The following IGF1R variants were observed in gnomAD, a reference collection of about 807,000 sequenced individuals.
IGF1R encodes the protein insulin-like growth factor 1 receptor.
Under a neutral mutation model 144.6 loss-of-function variants are expected in IGF1R, and 44 were observed. The ratio of observed to expected loss-of-function variants is 0.30; its 90% CI spans 0.24 to 0.39. IGF1R has a LOEUF of 0.39. IGF1R is among the 10% of genes least tolerant of loss of function. The probability of loss-of-function intolerance (pLI) is 1.00; values close to 1 mark genes in which losing one functional copy is unlikely to be tolerated. For synonymous variants in IGF1R, 795 were observed against 722.8 expected, an observed-to-expected ratio of 1.10 and a Z score of -1.60; for missense variants, 1,355 against 1,833.7, an observed-to-expected ratio of 0.74 and a Z score of 4.77.
chr15:98,873,943 C>T (rs1247890674), intron 2 of IGF1R: 1 of 152,194 alleles, frequency 6.6e-6, no homozygotes, highest in African/African-American at 2.4e-5. Flanking sequence ...TAAATGTATG[C>T]TCCGGTCAGA....
intron 8 of IGF1R, 51 bp from the exon 9 acceptor site, chr15:98,915,912 TG>T (rs1229174885): frequency 1.3e-6 from 2 of 1,568,614 alleles, no homozygotes; most frequent in African/African-American, 2.7e-5. Context: ...TCTGATAGCC[TG>T]ACTCTTAAGT....
At chr15:98,871,034 C>T (rs1403302382) in intron 2 of IGF1R, among the ~76,000 whole-genome samples, 1 of 152,230 alleles carries the variant, frequency 6.6e-6, no homozygotes, top group Non-Finnish European at 1.5e-5. Context: ...GGAGCTGGCC[C>T]AGGGCGCGCA....
At position 98,891,746 on chromosome 15, in the gene IGF1R, G is replaced by T; in HGVS notation, c.953+109G>T. On this transcript the variant is annotated intron_variant, in intron 3 of 20. Coordinates refer to ENST00000650285, the MANE Select transcript of IGF1R (RefSeq NM_000875.5). This position sits in a 1 kb window ranked among gnomAD's most constrained non-coding sequence, Gnocchi z 4.7. ...TTCATCCGGGTGCAGCCCTCAGGAA[G>T]TTCACTGAGGTGGGTCATTTTGAGA... is the stretch of plus-strand genomic sequence containing the variant. 2 of 1,050,486 alleles carry T rather than the reference G, an allele frequency of 1.9e-6. No homozygotes were observed. The highest frequency in any genetic ancestry group is 2.8e-6 in the Non-Finnish European group (2 of 708,574). The allele number at this position is 1,050,486 out of a possible 1,614,324, so 65.1% of individuals were successfully genotyped here.
intron 2 of IGF1R, among the ~76,000 whole-genome samples, chr15:98,850,965 G>A (rs751449794): frequency 2.6e-5 from 4 of 152,148 alleles, no homozygotes; most frequent in African/African-American, 9.7e-5. Context: ...TACTGAGGTG[G>A]AGAAACCTGC....
chr15:98,927,232 A>T (rs1258218037), intron 13 of IGF1R, among the ~76,000 whole-genome samples: 1 of 152,058 alleles, frequency 6.6e-6, no homozygotes, highest in Non-Finnish European at 1.5e-5. Context: ...CTGTTGAGAA[A>T]TTTTTCCTTA....
At chr15:98,823,879 A>G (rs1209782622) in intron 2 of IGF1R, among the ~76,000 whole-genome samples, 2 of 152,194 alleles carry the variant, frequency 1.3e-5, no homozygotes, top group Non-Finnish European at 2.9e-5. Context: ...AACTTGGCTA[A>G]CCACTATTTT....
chr15:98,779,587 A>G (rs1198158534), intron 2 of IGF1R, among the ~76,000 whole-genome samples: 1 of 152,194 alleles, frequency 6.6e-6, no homozygotes, highest in African/African-American at 2.4e-5. Flanking sequence ...TCACTGTGAA[A>G]TTTTACTGTT....
At chr15:98,736,526 A>G (rs2054612262) in intron 2 of IGF1R, among the ~76,000 whole-genome samples, 1 of 151,968 alleles carries the variant, frequency 6.6e-6, no homozygotes. Context: ...TGGAGGCCAC[A>G]TTTAAAAAGG....
intron 1 of IGF1R, among the ~76,000 whole-genome samples, chr15:98,691,099 C>T (rs749047821): frequency 6.6e-6 from 1 of 152,170 alleles, no homozygotes; most frequent in Non-Finnish European, 1.5e-5. Flanking sequence ...AGCTAAGGAA[C>T]CAGCATTAGT....
chr15:98,742,725 C>A (rs1235416998), intron 2 of IGF1R, among the ~76,000 whole-genome samples: 1 of 152,198 alleles, frequency 6.6e-6, no homozygotes, highest in Non-Finnish European at 1.5e-5. Flanking sequence ...TTACTTGTTA[C>A]AAACATTGGC....
At position 98,707,420 on chromosome 15, in the gene IGF1R, C is replaced by A; in HGVS notation, c.95-142C>A. On this transcript the variant is annotated intron_variant, in intron 1 of 20. Coordinates refer to ENST00000650285, the MANE Select transcript of IGF1R (RefSeq NM_000875.5). The surrounding 1 kb of genome is among the most constrained non-coding windows in gnomAD (Gnocchi z 6.7). ...CCACCTAAACTGTCAGTCTGCAACC[C>A]ACAGCTCTGCAGTGAACAATTGAAC... 1 of 885,620 alleles carries A rather than the reference C, an allele frequency of 1.1e-6. No homozygotes were observed. The highest frequency in any genetic ancestry group is 1.8e-6 in the Non-Finnish European group (1 of 556,240). 54.9% of individuals were successfully genotyped at this position (885,620 alleles called of 1,614,324 possible).
rs1295205109 is a variant in IGF1R, at chr15:98,964,243, A to T, written c.*6801A>T. 2 of 232,670 alleles carry T rather than the reference A, an allele frequency of 8.6e-6. No homozygotes were observed. The highest frequency in any genetic ancestry group is 1.7e-5 in the Non-Finnish European group (2 of 117,590). The allele number at this position is 232,670 out of a possible 1,614,324, so 14.4% of individuals were successfully genotyped here. A position where few individuals can be genotyped will look rare whatever the true frequency, so the allele number is the denominator to read the frequency against. ...TTAAGTAAGAAAAAAAAAGGTAATA[A>T]CATGGCCAATTTGTTACATAAAATG... On this transcript the variant is annotated 3_prime_UTR_variant, in exon 21 of 21. Coordinates refer to ENST00000650285, the MANE Select transcript of IGF1R (RefSeq NM_000875.5).
chr15:98,659,720 GA>G (rs1453310011), intron 1 of IGF1R, among the ~76,000 whole-genome samples: 2 of 151,986 alleles, frequency 1.3e-5, no homozygotes, highest in African/African-American at 2.4e-5. Flanking sequence ...AATTTTACAG[GA>G]CTTTAATAAA....
chr15:98,896,736 T>G (rs755125971), intron 3 of IGF1R, 21 bp from the exon 4 acceptor site: 7 of 1,611,982 alleles, frequency 4.3e-6, no homozygotes, highest in Non-Finnish European at 5.9e-6. Flanking sequence ...TGTTTTTGAT[T>G]TTTTTTTTCT....
chr15:98,768,345 G>A (rs571019466), intron 2 of IGF1R, among the ~76,000 whole-genome samples: 1 of 152,156 alleles, frequency 6.6e-6, no homozygotes, highest in African/African-American at 2.4e-5. Context: ...GGCCAGGCGC[G>A]GTGGCTTACG....
chr15:98,899,355 G>C lies in IGF1R; in HGVS notation c.1103-122G>C, dbSNP rs892248467. On this transcript the variant is annotated intron_variant, in intron 4 of 20. Coordinates refer to ENST00000650285, the MANE Select transcript of IGF1R (RefSeq NM_000875.5). Reference sequence around the variant, plus strand: ...TTTTTGTCAGGGAGCAGCCAGTCCTGTGCTGGGAGCATCTCAGGGGGCACC... The same window carrying C: ...TTTTTGTCAGGGAGCAGCCAGTCCTCTGCTGGGAGCATCTCAGGGGGCACC... 4 of 955,564 alleles carry C rather than the reference G, an allele frequency of 4.2e-6. No homozygotes were observed. The East Asian group carries it at 9.8e-5, about 23-fold the overall frequency. The allele number at this position is 955,564 out of a possible 1,614,324, so 59.2% of individuals were successfully genotyped here.
At chr15:98,700,725 C>T (rs1211937713) in intron 1 of IGF1R, among the ~76,000 whole-genome samples, 1 of 152,074 alleles carries the variant, frequency 6.6e-6, no homozygotes, top group African/African-American at 2.4e-5. Flanking sequence ...TGCCACCAGG[C>T]ATCAGCTCCA....
chr15:98,668,485 G>A (rs1201768867), intron 1 of IGF1R, among the ~76,000 whole-genome samples: 1 of 152,148 alleles, frequency 6.6e-6, no homozygotes, highest in African/African-American at 2.4e-5. Context: ...GAGCACATTC[G>A]CCTCTGTAAC....
intron 20 of IGF1R, among the ~76,000 whole-genome samples, chr15:98,951,129 A>AGGTGGCGCAGGAG (rs1255817605): frequency 6.6e-6 from 1 of 152,258 alleles, no homozygotes; most frequent in African/African-American, 2.4e-5. Context: ...TGGCGCAGGA[A>AGGTGGCGCAGGAG]GGATACCAGG....
Sources: gnomAD v4.1 joint callset for allele counts (sites outside exome capture counted in the v4.1 genomes callset) on GRCh38, gnomAD v4.1.1 for gene constraint, Gnocchi (gnomAD v3.1) non-coding constraint, MANE v1.5 for transcripts, NCBI Gene and HGNC (gene_info 2026-07-23, HGNC 2026-07-21) for gene names.